ZFAND2A: variants seen among roughly 807,000 people sequenced by gnomAD.
The protein encoded by ZFAND2A is AN1-type zinc finger protein 2A.
Under a neutral mutation model 11.6 loss-of-function variants are expected in ZFAND2A, and 20 were observed. The ratio of observed to expected loss-of-function variants is 1.72; its 90% CI spans 1.21 to 2.50. ZFAND2A has a LOEUF of 2.50. Among genes scored for constraint, ZFAND2A ranks in the 30% most tolerant of loss-of-function variants. The pLI, the probability that ZFAND2A is intolerant of heterozygous loss-of-function variation, is 0.00. For synonymous variants in ZFAND2A, 93 were observed against 60.6 expected (o/e 1.54, Z -2.48); for missense variants, 234 against 182.9 (o/e 1.28, Z -1.61).
At chr7:1,155,123 AAAACAAACAAACAAAC>A (rs373785657) in intron 4 of ZFAND2A, among the ~76,000 whole-genome samples, 2 of 152,112 alleles carry the variant, frequency 1.3e-5, no homozygotes, top group African/African-American at 4.8e-5. Context: ...AGACTGTCTC[AAAACAAACAAACAAAC>A]AAACAAACAA....
At chr7:1,159,349 G>A (rs59676244) in intron 1 of ZFAND2A, among the ~76,000 whole-genome samples, 17,789 of 152,192 alleles carry the variant, frequency 0.12, 1,855 homozygotes, top group African/African-American at 0.29. Flanking sequence ...CCCGCAGCAA[G>A]AAAACACACA....
chr7:1,153,015 G>A lies in ZFAND2A; in HGVS notation c.*54C>T, dbSNP rs766378233. 6.2e-7 allele frequency: 1 copy of A among 1,609,100 alleles called. No individual in the cohort carries two copies. The highest frequency in any genetic ancestry group is 1.1e-5 in the South Asian group (1 of 90,324). On this transcript the variant is annotated 3_prime_UTR_variant, in exon 5 of 5. Transcript: ENST00000316495. ...GGCTCCACTTCCCACTAGAGTGTAA[G>A]CTGCTTCCACGCATGCTACTGCGTG...
chr7:1,149,006 C>T (rs925409856), downstream of ZFAND2A, among the ~76,000 whole-genome samples: 1 of 151,776 alleles, frequency 6.6e-6, no homozygotes, highest in East Asian at 1.9e-4. Flanking sequence ...CTACATTGCC[C>T]AGTCCTATCT....
rs558406737 is a variant in ZFAND2A at position 1,153,045 on chromosome 7, G to A, written c.*24C>T. On this transcript the variant is annotated 3_prime_UTR_variant, in exon 5 of 5. Transcript: ENST00000316495. ...TTCCACGCATGCTACTGCGTGCTCC[G>A]AGCCATCGCAGCGGAGTCTCTTCTC... 23 of 1,613,958 alleles carry A rather than the reference G, an allele frequency of 1.4e-5. 1 individual carries two copies. Among genetic ancestry groups the A allele is most frequent in the South Asian group, 1.1e-4 (10 of 91,052 alleles).
At chr7:1,151,100 C>A (rs535908178), downstream of ZFAND2A, among the ~76,000 whole-genome samples, 4 of 152,188 alleles carry the variant, frequency 2.6e-5, no homozygotes, top group South Asian at 8.3e-4. Context: ...GTTGACCAGG[C>A]TGGTCTCAAA....
chr7:1,152,270 T>C (rs1240224019), downstream of ZFAND2A: 1 of 1,580,684 alleles, frequency 6.3e-7, no homozygotes, highest in Non-Finnish European at 8.6e-7. Context: ...CCCGAGTCGC[T>C]GGGCCAGCCC....
downstream of ZFAND2A, among the ~76,000 whole-genome samples, chr7:1,152,512 A>G (rs1349766509): frequency 6.6e-6 from 1 of 152,234 alleles, no homozygotes. Context: ...TTTGACAAAC[A>G]TTAGCATTAC....
chr7:1,150,821 T>G (rs918274020), downstream of ZFAND2A, among the ~76,000 whole-genome samples: 3 of 151,922 alleles, frequency 2.0e-5, no homozygotes, highest in Admixed American at 6.5e-5. Flanking sequence ...GCAACTTTCT[T>G]GTTGGTGCTG....
At chr7:1,154,757 T>G (rs1285497460) in intron 4 of ZFAND2A, among the ~76,000 whole-genome samples, 1 of 152,234 alleles carries the variant, frequency 6.6e-6, no homozygotes. Flanking sequence ...TATACTAAGA[T>G]AGTTGGTAAC....
Position 1,160,150 on chromosome 7 carries a change from A to AAAGC in ZFAND2A, c.-233_-232insGCTT. 6.6e-6 allele frequency: 1 copy of AAAGC among 152,252 alleles called. No homozygotes were observed. Among genetic ancestry groups the AAAGC allele is most frequent in the Non-Finnish European group, 1.5e-5 (1 of 68,098 alleles). 9.4% of individuals were successfully genotyped at this position (152,252 alleles called of 1,614,324 possible). On this transcript the variant is annotated 5_prime_UTR_variant, in exon 1 of 5. Transcript: ENST00000316495. ...CGCAACATCTCGCTGCCCGCGGCCT[A>AAAGC]CGGGGATTTATCCGCAGCCCCCGGA...
In ZFAND2A at chr7:1,153,225, C is replaced by A. The variant is rs747331042; in HGVS notation, c.283-1G>T. ...CTTTTGAGCAACGGTATGTAAAAAT[C>A]TAAGAGAGCAAAGTGACTTCAACAA... On this transcript the variant is annotated splice_acceptor_variant, in intron 4 of 4. Coordinates refer to ENST00000316495, the MANE Select transcript of ZFAND2A (RefSeq NM_182491.4). LOFTEE classifies it high-confidence loss of function. 14 of 1,610,508 alleles carry A rather than the reference C, an allele frequency of 8.7e-6. No homozygotes were observed. In the South Asian group the frequency reaches 1.5e-4, roughly 18 times the overall value.
chr7:1,148,947 C>T (rs1793349384), downstream of ZFAND2A, among the ~76,000 whole-genome samples: 1 of 144,670 alleles, frequency 6.9e-6, no homozygotes. Context: ...GGACCACATG[C>T]ATGCACCATC....
chr7:1,153,356 T>A, intron 4 of ZFAND2A, 132 bp from the exon 5 acceptor site: 2 of 976,460 alleles, frequency 2.0e-6, no homozygotes, highest in Non-Finnish European at 3.0e-6. Flanking sequence ...CAAGTGATTC[T>A]CCTGCTTCAG....
chr7:1,150,170 T>C (rs1298839275), downstream of ZFAND2A, among the ~76,000 whole-genome samples: 8 of 151,960 alleles, frequency 5.3e-5, no homozygotes, highest in Non-Finnish European at 8.8e-5. Flanking sequence ...AAAAAAGATA[T>C]AGTGAAAATA....
At chr7:1,152,155 TCA>T (rs1793410479), downstream of ZFAND2A, 1 of 1,429,568 alleles carries the variant, frequency 7.0e-7, no homozygotes, top group African/African-American at 1.4e-5. Context: ...GAGCATCGCG[TCA>T]CACTGTGCAG....
At position 1,153,044 on chromosome 7, in the gene ZFAND2A, C is replaced by CG. The variant is rs1793432798; in HGVS notation, c.*24dup. 1 of 1,613,912 alleles carries CG rather than the reference C, an allele frequency of 6.2e-7. No homozygotes were observed. The highest frequency in any genetic ancestry group is 8.5e-7 in the Non-Finnish European group (1 of 1,179,892). On this transcript the variant is annotated 3_prime_UTR_variant, in exon 5 of 5. Coordinates refer to ENST00000316495, the MANE Select transcript of ZFAND2A (RefSeq NM_182491.4). ...CTTCCACGCATGCTACTGCGTGCTC[C>CG]GAGCCATCGCAGCGGAGTCTCTTCT...
At chr7:1,151,762 T>TAAAAGAAAAAAAAAAAAAAAAAAA (rs1554344525), downstream of ZFAND2A, among the ~76,000 whole-genome samples, 17 of 87,168 alleles carry the variant, frequency 2.0e-4, 1 homozygote, top group Admixed American at 2.5e-4. Context: ...TCATCCCTTT[T>TAAAAGAAAAAAAAAAAAAAAAAAA]AAAAAAAAAA....
chr7:1,149,140 T>C (rs1793352218), downstream of ZFAND2A, among the ~76,000 whole-genome samples: 1 of 152,146 alleles, frequency 6.6e-6, no homozygotes, highest in Admixed American at 6.6e-5. Flanking sequence ...GAACTTTGTT[T>C]CTCAAGACTT....
At chr7:1,158,769 C>G (rs1489509006) in intron 1 of ZFAND2A, among the ~76,000 whole-genome samples, 1 of 152,174 alleles carries the variant, frequency 6.6e-6, no homozygotes, top group East Asian at 1.9e-4. Context: ...CAGGGAGAAG[C>G]GCAAGCTGTT....
Sources: gnomAD v4.1 joint callset for allele counts (sites outside exome capture counted in the v4.1 genomes callset) on GRCh38, gnomAD v4.1.1 for gene constraint, MANE v1.5 for transcripts, NCBI Gene and HGNC (gene_info 2026-07-23, HGNC 2026-07-21) for gene names.